Variants in DOCK3 observed in about 807,000 individuals in gnomAD.
The protein encoded by DOCK3 is dedicator of cytokinesis protein 3.
Under a neutral mutation model 265.6 loss-of-function variants are expected in DOCK3, and 60 were observed. That is an observed-to-expected ratio of 0.23 (90% CI 0.18 to 0.28). The LOEUF (loss-of-function observed/expected upper bound fraction) is 0.28, where lower values mean the gene tolerates loss of function less well. DOCK3 is among the 10% of genes least tolerant of loss of function. DOCK3 has a pLI of 1.00. For missense variants in DOCK3, 1,981 were observed against 2,594.3 expected, an observed-to-expected ratio of 0.76 and a Z score of 5.14; for synonymous variants, 881 against 938.0, an observed-to-expected ratio of 0.94 and a Z score of 1.11.
intron 19 of DOCK3, among the ~76,000 whole-genome samples, chr3:51,232,870 A>G (rs2078185350): frequency 6.6e-6 from 1 of 152,072 alleles, no homozygotes; most frequent in South Asian, 2.1e-4. Flanking sequence ...AGCACCATTT[A>G]TTGAGTATGG....
At chr3:50,728,452 A>T (rs2037973981) in intron 1 of DOCK3, among the ~76,000 whole-genome samples, 1 of 152,168 alleles carries the variant, frequency 6.6e-6, no homozygotes, top group South Asian at 2.1e-4. Flanking sequence ...AAAGAAATAA[A>T]GATAAGAGCT....
intron 3 of DOCK3, among the ~76,000 whole-genome samples, chr3:50,882,786 T>G (rs2048115517): frequency 6.6e-6 from 1 of 152,248 alleles, no homozygotes; most frequent in Admixed American, 6.5e-5. Flanking sequence ...CAAAGGATTA[T>G]AAATCATGCT....
Position 51,381,630 on chromosome 3 carries a change from G to A in DOCK3, c.*71G>A. 7.0e-7 allele frequency: 1 copy of A among 1,436,062 alleles called. No homozygotes were observed. The highest frequency in any genetic ancestry group is 9.1e-7 in the Non-Finnish European group (1 of 1,099,480). 89.0% of individuals were successfully genotyped at this position (1,436,062 alleles called of 1,614,324 possible). Reference sequence around the variant, plus strand: ...CAATCACTCCAGGTCTGAAAAGCAAGTCCCCCAGCCCCACCCCAGGGAGCC... The same window carrying A: ...CAATCACTCCAGGTCTGAAAAGCAAATCCCCCAGCCCCACCCCAGGGAGCC... On this transcript the variant is annotated 3_prime_UTR_variant, in exon 53 of 53. Coordinates refer to ENST00000266037, the MANE Select transcript of DOCK3 (RefSeq NM_004947.5). This position sits in a 1 kb window ranked among gnomAD's most constrained non-coding sequence, Gnocchi z 5.6.
chr3:51,330,161 G>T lies in DOCK3; in HGVS notation c.3426G>T (p.Lys1142Asn). 5 of 1,606,162 alleles carry T rather than the reference G, an allele frequency of 3.1e-6. No homozygotes were observed. Among genetic ancestry groups the T allele is most frequent in the Non-Finnish European group, 4.2e-6 (5 of 1,176,514 alleles). Residue 1142 changes from lysine to asparagine, a missense_variant, in exon 33 of 53, where the codon AAG becomes AAT. By Grantham distance (94) the Lys-to-Asn change is moderately conservative. Transcript: ENST00000266037. Reference sequence around the variant, plus strand: ...AGGTGGAGGCCGAGTTGATTGACAAGCTGGACAGCATGGTGTCAGAAGGGA... The same window carrying T: ...AGGTGGAGGCCGAGTTGATTGACAATCTGGACAGCATGGTGTCAGAAGGGA... ...FKQVEAELID[K>N]LDSMVSEGKG...
chr3:50,847,036 C>T (rs760320680), intron 3 of DOCK3, among the ~76,000 whole-genome samples: 2 of 151,950 alleles, frequency 1.3e-5, no homozygotes, highest in South Asian at 4.2e-4. Flanking sequence ...TTTGGGGTTA[C>T]TTTGTTCTTG....
intron 5 of DOCK3, among the ~76,000 whole-genome samples, chr3:50,989,229 C>T (rs1315848481): frequency 2.0e-5 from 3 of 152,078 alleles, no homozygotes. Context: ...GGGTGAAGCT[C>T]CCAGGAGACA....
chr3:50,995,108 A>G (rs749422800), intron 5 of DOCK3, among the ~76,000 whole-genome samples: 2 of 151,878 alleles, frequency 1.3e-5, no homozygotes, highest in Non-Finnish European at 2.9e-5. Context: ...TATTATTTTA[A>G]TACAGTGTTT....
chr3:50,992,565 G>A (rs2078146596), intron 5 of DOCK3, among the ~76,000 whole-genome samples: 1 of 152,208 alleles, frequency 6.6e-6, no homozygotes, highest in Non-Finnish European at 1.5e-5. Context: ...CCAAAGTGCT[G>A]GGATCACAGG....
chr3:51,225,432 G>A (rs1187914772), intron 14 of DOCK3, among the ~76,000 whole-genome samples: 1 of 152,172 alleles, frequency 6.6e-6, no homozygotes, highest in Non-Finnish European at 1.5e-5. Flanking sequence ...AAGGTGTGGT[G>A]AACATCTTTA....
At chr3:51,014,677 A>G (rs1333438949) in intron 5 of DOCK3, among the ~76,000 whole-genome samples, 2 of 151,910 alleles carry the variant, frequency 1.3e-5, no homozygotes, top group Admixed American at 1.3e-4. Context: ...TGTTTTTTCT[A>G]TTTCTGTGAA....
At chr3:50,978,162 T>A (rs1002847386) in intron 5 of DOCK3, among the ~76,000 whole-genome samples, 2 of 150,956 alleles carry the variant, frequency 1.3e-5, no homozygotes, top group Admixed American at 6.6e-5. Flanking sequence ...TCATTCTCCA[T>A]CCAACTTTGT....
At chr3:50,761,512 G>A (rs187293628) in intron 1 of DOCK3, among the ~76,000 whole-genome samples, 318 of 152,310 alleles carry the variant, frequency 2.1e-3, no homozygotes, top group Non-Finnish European at 3.6e-3. Flanking sequence ...AGGGCCCCAA[G>A]CTTAAAATGT....
rs2086414229 is a variant in DOCK3 at position 51,357,053 on chromosome 3, A to C, written c.4595A>C (p.Gln1532Pro). ...CTGATCAGCCAGTATCAACACAAGCAGGTGCATGGCAACATTAACCTGCTA... is the reference window on the plus strand; with the variant it reads ...CTGATCAGCCAGTATCAACACAAGCCGGTGCATGGCAACATTAACCTGCTA... ...RSLISQYQHKQVHGNINLLSM... is the reference protein window; with the variant it reads ...RSLISQYQHKPVHGNINLLSM... The change falls in exon 44 of 53, where the codon CAG becomes CCG. Residue 1532 changes from glutamine to proline, a missense_variant. Gln to Pro is a moderately conservative substitution (Grantham distance 76). Around this residue, in one of 4 missense-constraint regions of DOCK3, gnomAD observed 1,357 missense variants for 1,866.8 expected, o/e 0.73. Coordinates refer to ENST00000266037, the MANE Select transcript of DOCK3 (RefSeq NM_004947.5). 1 of 1,613,258 alleles carries C rather than the reference A, an allele frequency of 6.2e-7. No homozygotes were observed. The highest frequency in any genetic ancestry group is 8.5e-7 in the Non-Finnish European group (1 of 1,179,900).
intron 14 of DOCK3, among the ~76,000 whole-genome samples, chr3:51,215,680 G>C (rs1374331590): frequency 6.6e-6 from 1 of 152,198 alleles, no homozygotes; most frequent in Admixed American, 6.5e-5. Context: ...GCTATGCCCA[G>C]ATTTATTTTC....
At chr3:51,230,540 C>CA (rs2108407773) in intron 19 of DOCK3, among the ~76,000 whole-genome samples, 1 of 152,082 alleles carries the variant, frequency 6.6e-6, no homozygotes, top group East Asian at 1.9e-4. Flanking sequence ...TTTTTTGAGA[C>CA]AGAGTCTCAC....
intron 5 of DOCK3, among the ~76,000 whole-genome samples, chr3:51,002,415 G>T (rs1395863949): frequency 6.6e-6 from 1 of 152,048 alleles, no homozygotes; most frequent in Non-Finnish European, 1.5e-5. Context: ...TTTCTTAGTT[G>T]TATCTTCACA....
chr3:51,225,630 G>C lies in DOCK3; in HGVS notation c.1253-19G>C, dbSNP rs769819417. The C allele has an allele frequency of 6.2e-7, 1 of 1,604,562 alleles. No homozygotes were observed. Among genetic ancestry groups the C allele is most frequent in the Non-Finnish European group, 8.5e-7 (1 of 1,175,528 alleles). On this transcript the variant is annotated intron_variant, in intron 14 of 52. Coordinates refer to ENST00000266037, the MANE Select transcript of DOCK3 (RefSeq NM_004947.5). ...ATGGCTTCTGGAGTCATAAGGATGT[G>C]GCATTTCTTTCCCCGCAGGTGATAT... is the stretch of plus-strand genomic sequence containing the variant.
chr3:51,007,482 GTAA>G (rs2078729058), intron 5 of DOCK3, among the ~76,000 whole-genome samples: 2 of 152,134 alleles, frequency 1.3e-5, no homozygotes, highest in African/African-American at 4.8e-5. Context: ...ATTTTTACTT[GTAA>G]ATTTGTTTGA....
chr3:50,827,267 G>A (rs561011078), intron 2 of DOCK3, among the ~76,000 whole-genome samples: 1 of 152,246 alleles, frequency 6.6e-6, no homozygotes, highest in Non-Finnish European at 1.5e-5. Context: ...AATACTATAG[G>A]CTGGGTAGTT....
Sources: gnomAD v4.1 joint callset for allele counts (sites outside exome capture counted in the v4.1 genomes callset) on GRCh38, gnomAD v4.1.1 for gene constraint, gnomAD v4.1.1 regional missense constraint, Gnocchi (gnomAD v3.1) non-coding constraint, MANE v1.5 for transcripts, NCBI Gene and HGNC (gene_info 2026-07-23, HGNC 2026-07-21) for gene names.